NFU1: variants seen among roughly 807,000 people sequenced by gnomAD.
NFU1 encodes NFU1 iron-sulfur cluster scaffold.
Under a neutral mutation model 32.2 loss-of-function variants are expected in NFU1, and 30 were observed. The ratio of observed to expected loss-of-function variants is 0.93; its 90% CI spans 0.70 to 1.26. NFU1 has a LOEUF of 1.26. NFU1 is among the 50% of genes most tolerant of loss of function. The pLI is 0.00. For missense variants in NFU1, 306 were observed against 306.6 expected (o/e 1.00, Z 0.02); for synonymous variants, 112 against 104.6 (o/e 1.07, Z -0.43).
chr2:69,425,032 A>G (rs769759297), intron 2 of NFU1, among the ~76,000 whole-genome samples: 11 of 151,972 alleles, frequency 7.2e-5, no homozygotes, highest in Non-Finnish European at 1.0e-4. Flanking sequence ...ACCCGCTGCC[A>G]TGCCCGGCTA....
At chr2:69,437,135 G>T in intron 1 of NFU1, 1 of 928,928 alleles carries the variant, frequency 1.1e-6, no homozygotes, top group Non-Finnish European at 1.6e-6. Flanking sequence ...GGGTCTCTGA[G>T]CCTGAGAGGA....
At chr2:69,415,703 C>T (rs534354133) in intron 4 of NFU1, among the ~76,000 whole-genome samples, 5 of 152,232 alleles carry the variant, frequency 3.3e-5, no homozygotes, top group East Asian at 3.9e-4. Context: ...AGGTTGGGCA[C>T]GGTGGTTCAT....
At chr2:69,437,685 T>C, upstream of NFU1, 1 of 583,804 alleles carries the variant, frequency 1.7e-6, no homozygotes, top group Non-Finnish European at 3.1e-6. Flanking sequence ...CGTGTTTCCG[T>C]ACTTTGTTTT....
At chr2:69,427,219 C>T (rs554231132) in intron 2 of NFU1, among the ~76,000 whole-genome samples, 1 of 150,692 alleles carries the variant, frequency 6.6e-6, no homozygotes, top group South Asian at 2.1e-4. Flanking sequence ...AACCCCGTCT[C>T]TACTAAAAAT....
Position 69,400,549 on chromosome 2 carries a change from A to C in NFU1, c.546-11T>G. 1 of 1,612,696 alleles carries C rather than the reference A, an allele frequency of 6.2e-7. No individual in the cohort carries two copies. Among genetic ancestry groups the C allele is most frequent in the Non-Finnish European group, 8.5e-7 (1 of 1,178,786 alleles). On this transcript the variant is annotated splice_polypyrimidine_tract_variant and intron_variant, in intron 6 of 7. Coordinates refer to ENST00000410022, the MANE Select transcript of NFU1 (RefSeq NM_001002755.4). ...TCCTGCACAGTTGGCCTGTGAGGTC[A>C]AAGAATATTTATGACATATTCTTTA...
At chr2:69,437,124 TG>T in intron 1 of NFU1, 2 of 813,186 alleles carry the variant, frequency 2.5e-6, no homozygotes, top group Non-Finnish European at 3.7e-6. Context: ...ACTCAAGAAC[TG>T]GGTCTCTGAG....
chr2:69,429,821 G>A, intron 2 of NFU1: 1 of 155,610 alleles, frequency 6.4e-6, no homozygotes, highest in Non-Finnish European at 1.4e-5. Context: ...TTGAGCTCTG[G>A]AGTTCAAGAC....
rs201634470 is a variant in NFU1, at chr2:69,400,455, C to A, written c.629G>T (p.Cys210Phe). ...AATGATTGAACTAGGGCAGCTGGTA[C>A]AAGAACCCTGGAGTTTCAGCTGTAC... ...GIVQLKLQGSCTSCPSSIITL... is the reference protein window; with the variant it reads ...GIVQLKLQGSFTSCPSSIITL... Residue 210 changes from cysteine to phenylalanine, a missense_variant, in exon 7 of 8, where the codon TGT becomes TTT. Transcript: ENST00000410022. 126 of 1,613,964 alleles carry A rather than the reference C, an allele frequency of 7.8e-5. No homozygotes were observed. Among genetic ancestry groups the A allele is most frequent in the Non-Finnish European group, 1.0e-4 (120 of 1,179,980 alleles).
At chr2:69,417,675 T>C (rs1296121064) in intron 4 of NFU1, among the ~76,000 whole-genome samples, 2 of 151,836 alleles carry the variant, frequency 1.3e-5, no homozygotes, top group African/African-American at 4.8e-5. Context: ...GATAGATAGA[T>C]ATACACACAC....
intron 1 of NFU1, among the ~76,000 whole-genome samples, chr2:69,433,200 G>A (rs985716405): frequency 1.3e-5 from 2 of 149,974 alleles, no homozygotes; most frequent in Admixed American, 1.3e-4. Flanking sequence ...TTTTTGAGAT[G>A]GAGTCTCACT....
intron 1 of NFU1, among the ~76,000 whole-genome samples, chr2:69,432,392 T>A (rs139215799): frequency 6.6e-6 from 1 of 152,056 alleles, no homozygotes; most frequent in Admixed American, 6.6e-5. Flanking sequence ...CTGACCAACA[T>A]GGAGAAACCC....
chr2:69,404,443 T>G (rs1282881071), intron 6 of NFU1, among the ~76,000 whole-genome samples: 2 of 150,046 alleles, frequency 1.3e-5, no homozygotes, highest in Admixed American at 1.3e-4. Context: ...AGTGAGCTGA[T>G]ATCGTGCAGC....
rs1473160753 is a variant in NFU1, at chr2:69,406,007, G to A, written c.545+15C>T. The stretch of plus-strand genomic sequence containing the variant: ...TCCAAAGCACTTGAATTCAGGTAGA[G>A]AGAGGAGCACGTACCGTATTCTAGT... On this transcript the variant is annotated intron_variant, in intron 6 of 7. Coordinates refer to ENST00000410022, the MANE Select transcript of NFU1 (RefSeq NM_001002755.4). The A allele has an allele frequency of 6.5e-7, 1 of 1,549,982 alleles. No individual in the cohort carries two copies. The highest frequency in any genetic ancestry group is 2.2e-5 in the East Asian group (1 of 44,472).
At chr2:69,411,330 A>C (rs1574123779) in intron 5 of NFU1, among the ~76,000 whole-genome samples, 1 of 152,308 alleles carries the variant, frequency 6.6e-6, no homozygotes, top group East Asian at 1.9e-4. Context: ...GTATCAGCAA[A>C]TACTTATGGA....
chr2:69,426,537 T>G lies in NFU1; in HGVS notation c.167-2820A>C, dbSNP rs111580830. Among the ~76,000 whole-genome samples the G allele has an allele frequency of 5.3e-5, 8 of 151,588 alleles. No individual in the cohort carries two copies. In the South Asian group the frequency reaches 1.3e-3, roughly 24 times the overall value. ...CTGACCTCAGGTGATCCGCCTGCCT[T>G]GGCCTCCCAAAATGCTGGGATTACA... is the stretch of plus-strand genomic sequence containing the variant. On this transcript the variant is annotated intron_variant, in intron 2 of 7. Transcript: ENST00000410022.
At chr2:69,412,383 A>T (rs1468739449) in intron 5 of NFU1, among the ~76,000 whole-genome samples, 1 of 151,066 alleles carries the variant, frequency 6.6e-6, no homozygotes, top group Non-Finnish European at 1.5e-5. Context: ...ATTTTTTAAA[A>T]TTTTCATTTA....
At chr2:69,406,340 T>C (rs1558814394) in intron 5 of NFU1, among the ~76,000 whole-genome samples, 1 of 152,214 alleles carries the variant, frequency 6.6e-6, no homozygotes, top group East Asian at 1.9e-4. Flanking sequence ...CATCTTGATA[T>C]GCTAATGATG....
chr2:69,437,601 G>A, upstream of NFU1: 1 of 742,040 alleles, frequency 1.3e-6, no homozygotes, highest in South Asian at 1.5e-5. Context: ...GCGTCACCCT[G>A]ACCAAGAGAG....
At chr2:69,399,370 C>CCAAGG in intron 7 of NFU1, 1 of 455,834 alleles carries the variant, frequency 2.2e-6, no homozygotes. Flanking sequence ...TGACAAGGTG[C>CCAAGG]TGTGTTATAC....
Sources: allele counts gnomAD v4.1 joint callset (sites outside exome capture counted in the v4.1 genomes callset), GRCh38; gene constraint gnomAD v4.1.1; transcripts MANE v1.5; gene names NCBI Gene and HGNC (gene_info 2026-07-23, HGNC 2026-07-21).